The following TOX variants were observed in gnomAD, a reference collection of about 807,000 sequenced individuals.
TOX encodes thymocyte selection associated high mobility group box, also known as thymocyte selection-associated high mobility group box protein TOX.
TOX carries 11 observed loss-of-function variants against 53.7 expected under a neutral mutation model. The observed-to-expected ratio is 0.20, with a 90% CI of 0.13 to 0.34. TOX has a LOEUF of 0.34. TOX is among the 10% of genes least tolerant of loss of function. The probability of loss-of-function intolerance (pLI) is 1.00; values close to 1 mark genes in which losing one functional copy is unlikely to be tolerated. For missense variants in TOX, 570 were observed against 664.6 expected (o/e 0.86, Z 1.56); for synonymous variants, 225 against 245.3 (o/e 0.92, Z 0.77).
intron 3 of TOX, among the ~76,000 whole-genome samples, chr8:58,914,057 G>A (rs747549836): frequency 1.1e-4 from 16 of 152,212 alleles, no homozygotes; most frequent in Non-Finnish European, 1.8e-4. Context: ...ACTGGTGTAA[G>A]TGGCGTTTAT....
At chr8:59,100,778 A>T (rs1228030622) in intron 1 of TOX, among the ~76,000 whole-genome samples, 1 of 152,212 alleles carries the variant, frequency 6.6e-6, no homozygotes, top group Non-Finnish European at 1.5e-5. Context: ...CATACATAAA[A>T]ATAGTATTGA....
chr8:59,066,778 A>G (rs567126066), intron 1 of TOX, among the ~76,000 whole-genome samples: 1 of 152,358 alleles, frequency 6.6e-6, no homozygotes, highest in South Asian at 2.1e-4. Flanking sequence ...GTTCTCCCCA[A>G]GAGTCTAATT....
intron 3 of TOX, among the ~76,000 whole-genome samples, chr8:58,873,949 GC>G (rs1402448820): frequency 1.5e-5 from 1 of 67,510 alleles, no homozygotes; most frequent in Non-Finnish European, 2.5e-5. Flanking sequence ...CATCCTGAAT[GC>G]CAGGAAGCTT....
chr8:59,032,439 A>G (rs1814375765), intron 1 of TOX, among the ~76,000 whole-genome samples: 1 of 152,204 alleles, frequency 6.6e-6, no homozygotes, highest in Admixed American at 6.5e-5. Context: ...CATTGTTTTC[A>G]GTTTTGTGAC....
intron 1 of TOX, among the ~76,000 whole-genome samples, chr8:59,073,793 T>C (rs1428175017): frequency 6.6e-6 from 1 of 152,070 alleles, no homozygotes; most frequent in Non-Finnish European, 1.5e-5. Context: ...CAGAATAGAC[T>C]CAATTCACCC....
chr8:58,961,549 G>A (rs1197771516), intron 1 of TOX, among the ~76,000 whole-genome samples: 1 of 149,260 alleles, frequency 6.7e-6, no homozygotes, highest in East Asian at 1.9e-4. Flanking sequence ...TTTTTTTTGA[G>A]ATGGAGTTTC....
chr8:59,060,372 A>G (rs1485325102), intron 1 of TOX, among the ~76,000 whole-genome samples: 1 of 152,240 alleles, frequency 6.6e-6, no homozygotes, highest in Non-Finnish European at 1.5e-5. Context: ...TCACGCCCGT[A>G]ATCCTGGCAC....
chr8:58,822,120 C>T (rs2129165314), intron 6 of TOX, among the ~76,000 whole-genome samples: 1 of 152,314 alleles, frequency 6.6e-6, no homozygotes, highest in Admixed American at 6.5e-5. Flanking sequence ...AGTTGTTTAA[C>T]AATTCAAGAG....
In TOX at chr8:58,939,527, G is replaced by C. The variant is rs1309076378; in HGVS notation, c.186C>G (p.Ser62Arg). The change falls in exon 3 of 9, where the codon AGC becomes AGG. Residue 62 changes from serine to arginine, a missense_variant. Transcript: ENST00000361421. Reference sequence around the variant, plus strand: ...GAATGTTGAAGTCTTCACTTTCCAGGCTTGGACCAGGGTAGGACTGTGAAA... The same window carrying C: ...GAATGTTGAAGTCTTCACTTTCCAGCCTTGGACCAGGGTAGGACTGTGAAA... ...VPASQSYPGPSLESEDFNIPP... is the reference protein window; with the variant it reads ...VPASQSYPGPRLESEDFNIPP... The C allele has an allele frequency of 6.2e-7, 1 of 1,613,966 alleles. No homozygotes were observed. The highest frequency in any genetic ancestry group is 1.1e-5 in the South Asian group (1 of 91,056).
chr8:59,020,803 T>G (rs1191775800), intron 1 of TOX, among the ~76,000 whole-genome samples: 1 of 152,186 alleles, frequency 6.6e-6, no homozygotes, highest in Non-Finnish European at 1.5e-5. Context: ...TAAAAATGCA[T>G]TTTGATAGTT....
At chr8:58,930,463 GT>G (rs1451967048) in intron 3 of TOX, among the ~76,000 whole-genome samples, 1 of 152,196 alleles carries the variant, frequency 6.6e-6, no homozygotes, top group East Asian at 1.9e-4. Context: ...CAAGAAAAAT[GT>G]TTTTCTCCAT....
chr8:58,997,008 C>T (rs1813572208), intron 1 of TOX, among the ~76,000 whole-genome samples: 1 of 152,192 alleles, frequency 6.6e-6, no homozygotes, highest in African/African-American at 2.4e-5. Flanking sequence ...TAGAAATGCA[C>T]CACTATATGA....
At chr8:59,092,690 T>C (rs894928597) in intron 1 of TOX, among the ~76,000 whole-genome samples, 4 of 152,112 alleles carry the variant, frequency 2.6e-5, no homozygotes, top group African/African-American at 9.7e-5. Flanking sequence ...TGGTTAATTC[T>C]TACTGTTTCT....
chr8:58,932,365 CT>C (rs1485187894), intron 3 of TOX, among the ~76,000 whole-genome samples: 3 of 150,244 alleles, frequency 2.0e-5, no homozygotes. Context: ...CATTTTTCTT[CT>C]GTTAAAGTGG....
Position 58,930,974 on chromosome 8 carries a change from T to G in TOX, c.411+8328A>C, listed in dbSNP as rs970187907. Among the ~76,000 whole-genome samples, 3 of 152,346 alleles carry G rather than the reference T, an allele frequency of 2.0e-5. No individual in the cohort carries two copies. In the Middle Eastern group the frequency reaches 0.01, roughly 518 times the overall value. Reference sequence around the variant, plus strand: ...CAAATATAAACTACAATAAATTTTTTTATTCATCTTTGTTTGCTAAATAAT... The same window carrying G: ...CAAATATAAACTACAATAAATTTTTGTATTCATCTTTGTTTGCTAAATAAT... On this transcript the variant is annotated intron_variant, in intron 3 of 8. Transcript: ENST00000361421.
At chr8:58,980,898 T>C (rs922800423) in intron 1 of TOX, among the ~76,000 whole-genome samples, 1 of 152,194 alleles carries the variant, frequency 6.6e-6, no homozygotes, top group African/African-American at 2.4e-5. Flanking sequence ...TCCACTGCCA[T>C]TCTCAATTAA....
chr8:59,075,561 A>G (rs78765965), intron 1 of TOX, among the ~76,000 whole-genome samples: 1 of 152,312 alleles, frequency 6.6e-6, no homozygotes, highest in East Asian at 1.9e-4. Context: ...CAGCTTGAAC[A>G]TATTTGTAAG....
chr8:59,019,263 T>G (rs1428686211), intron 1 of TOX, among the ~76,000 whole-genome samples: 1 of 152,206 alleles, frequency 6.6e-6, no homozygotes, highest in Non-Finnish European at 1.5e-5. Context: ...GTAAACATAG[T>G]ATTCTTCAGG....
At chr8:58,921,424 C>T (rs1812073819) in intron 3 of TOX, among the ~76,000 whole-genome samples, 1 of 152,086 alleles carries the variant, frequency 6.6e-6, no homozygotes, top group Non-Finnish European at 1.5e-5. Context: ...TGACAATTTG[C>T]CAAAATCCAC....
Sources: gnomAD v4.1 joint callset for allele counts (sites outside exome capture counted in the v4.1 genomes callset) on GRCh38, gnomAD v4.1.1 for gene constraint, MANE v1.5 for transcripts, NCBI Gene and HGNC (gene_info 2026-07-23, HGNC 2026-07-21) for gene names.